Variants in UGT1A9 observed in about 807,000 individuals in gnomAD.
UGT1A9 encodes the protein UDP-glucuronosyltransferase 1A9.
Under a neutral mutation model 45.0 loss-of-function variants are expected in UGT1A9, and 35 were observed. The ratio of observed to expected loss-of-function variants is 0.78; its 90% CI spans 0.59 to 1.03. UGT1A9 has a LOEUF of 1.03. UGT1A9 is among the 50% of genes least tolerant of loss of function. UGT1A9 has a pLI of 0.00. For synonymous variants in UGT1A9, 278 were observed against 250.6 expected (o/e 1.11, Z -1.03); for missense variants, 687 against 666.6 (o/e 1.03, Z -0.34).
At chr2:233,707,880 G>A (rs2075992428) in intron 1 of UGT1A9, among the ~76,000 whole-genome samples, 1 of 152,146 alleles carries the variant, frequency 6.6e-6, no homozygotes, top group South Asian at 2.1e-4. Context: ...TGATTGCTAA[G>A]GCATTAGTTA....
At chr2:233,713,685 G>A (rs1039930586) in intron 1 of UGT1A9, 1 of 1,613,934 alleles carries the variant, frequency 6.2e-7, no homozygotes, top group South Asian at 1.1e-5. Flanking sequence ...TGCTCCTTAT[G>A]CAAGCCTTGC....
chr2:233,761,438 A>G (rs1335864417), intron 1 of UGT1A9, among the ~76,000 whole-genome samples: 1 of 152,232 alleles, frequency 6.6e-6, no homozygotes, highest in East Asian at 1.9e-4. Flanking sequence ...CCATAGGCAC[A>G]GAATGCTGGG....
At chr2:233,747,680 C>T (rs919271713) in intron 1 of UGT1A9, 69 of 1,607,988 alleles carry the variant, frequency 4.3e-5, no homozygotes, top group Non-Finnish European at 5.7e-5. Context: ...CAATTTACCT[C>T]TGTGGGGCAG....
intron 1 of UGT1A9, among the ~76,000 whole-genome samples, chr2:233,764,100 A>T (rs549144830): frequency 7.2e-5 from 11 of 152,262 alleles, no homozygotes; most frequent in Non-Finnish European, 1.6e-4. Context: ...AACTAAAAAT[A>T]CAAAATTCTT....
intron 1 of UGT1A9, among the ~76,000 whole-genome samples, chr2:233,683,415 TG>T (rs1393615511): frequency 2.6e-5 from 4 of 152,164 alleles, no homozygotes; most frequent in Non-Finnish European, 5.9e-5. Context: ...TTTCCACTTT[TG>T]GGGTTTATGA....
intron 1 of UGT1A9, chr2:233,742,900 A>G (rs1289893685): frequency 6.0e-6 from 1 of 165,412 alleles, no homozygotes; most frequent in Non-Finnish European, 1.3e-5. Flanking sequence ...CAACGGAAAA[A>G]GGTAATGCTC....
intron 1 of UGT1A9, among the ~76,000 whole-genome samples, chr2:233,740,331 G>GA (rs1691368430): frequency 6.6e-6 from 1 of 151,940 alleles, no homozygotes; most frequent in African/African-American, 2.4e-5. Context: ...CATTTATTGA[G>GA]AAAGTTGATG....
At chr2:233,682,175 T>G (rs145733073) in intron 1 of UGT1A9, 117 of 1,614,190 alleles carry the variant, frequency 7.2e-5, no homozygotes, top group South Asian at 8.8e-5. Flanking sequence ...TTACTCAACC[T>G]CATACACTCT....
Position 233,672,338 on chromosome 2 carries a change from A to T in UGT1A9, c.404A>T (p.Glu135Val), listed in dbSNP as rs370181544. The stretch of plus-strand genomic sequence containing the variant: ...TTGTTTAAAGACAAAAAATTAGTAG[A>T]ATACTTAAAGGAGAGTTCTTTTGAT... ...RSLFKDKKLV[E>V]YLKESSFDAV... Residue 135 changes from glutamate to valine, a missense_variant, in exon 1 of 5, where the codon GAA becomes GTA. Transcript: ENST00000354728. 1 of 1,614,142 alleles carries T rather than the reference A, an allele frequency of 6.2e-7. No individual in the cohort carries two copies. Among genetic ancestry groups the T allele is most frequent in the Non-Finnish European group, 8.5e-7 (1 of 1,180,004 alleles).
intron 1 of UGT1A9, chr2:233,690,774 CAT>C (rs1286263819): frequency 5.4e-5 from 57 of 1,062,312 alleles, no homozygotes; most frequent in East Asian, 1.3e-4. Context: ...CACACACACA[CAT>C]ACACACACAC....
intron 1 of UGT1A9, among the ~76,000 whole-genome samples, chr2:233,677,697 T>C (rs906644771): frequency 2.6e-5 from 4 of 151,748 alleles, no homozygotes; most frequent in Non-Finnish European, 4.4e-5. Context: ...GTGAGGCTGC[T>C]GAGAAAAGGG....
chr2:233,738,524 A>G (rs553988769), intron 1 of UGT1A9, among the ~76,000 whole-genome samples: 1 of 152,322 alleles, frequency 6.6e-6, no homozygotes, highest in South Asian at 2.1e-4. Context: ...TGTTGTGGAC[A>G]ATGAAGTCCA....
At chr2:233,675,756 T>A (rs1309423231) in intron 1 of UGT1A9, among the ~76,000 whole-genome samples, 1 of 152,244 alleles carries the variant, frequency 6.6e-6, no homozygotes, top group Non-Finnish European at 1.5e-5. Flanking sequence ...CTTTATTCTA[T>A]CTTTTTAAAG....
At chr2:233,755,032 C>G (rs753512191) in intron 1 of UGT1A9, 1 of 1,314,500 alleles carries the variant, frequency 7.6e-7, no homozygotes, top group South Asian at 1.1e-5. Flanking sequence ...AAGGGCCTGC[C>G]GCCTGCGCAG....
chr2:233,767,807 T>C, intron 2 of UGT1A9, 42 bp from the exon 3 acceptor site: 1 of 1,614,158 alleles, frequency 6.2e-7, no homozygotes, highest in Non-Finnish European at 8.5e-7. Flanking sequence ...TCTAATCATA[T>C]TATGTTCTTT....
intron 1 of UGT1A9, among the ~76,000 whole-genome samples, chr2:233,765,217 G>C (rs1406021636): frequency 6.6e-6 from 1 of 152,092 alleles, no homozygotes; most frequent in Non-Finnish European, 1.5e-5. Flanking sequence ...AGTATTCTTT[G>C]CAAACATAAA....
intron 1 of UGT1A9, among the ~76,000 whole-genome samples, chr2:233,737,276 AC>A (rs2078858274): frequency 1.3e-5 from 2 of 152,320 alleles, no homozygotes; most frequent in South Asian, 2.1e-4. Flanking sequence ...GACACCCCTC[AC>A]CCAGCCAGGC....
intron 1 of UGT1A9, among the ~76,000 whole-genome samples, chr2:233,676,224 C>A (rs1366951476): frequency 6.6e-6 from 1 of 152,180 alleles, no homozygotes; most frequent in Non-Finnish European, 1.5e-5. Flanking sequence ...CCGATGGATT[C>A]ATCAGAAGCA....
rs190427553 is a variant in UGT1A9 at position 233,772,475 on chromosome 2, C to A, written c.1509C>A (p.Thr503=). 148 of 1,614,134 alleles carry A rather than the reference C, an allele frequency of 9.2e-5. No homozygotes were observed. Among genetic ancestry groups the A allele is most frequent in the Non-Finnish European group, 1.2e-4 (140 of 1,180,034 alleles). ...LAVVLTVAFI[T]FKCCAYGYRK... is the part of the protein sequence containing the mutation. ...TCGTGCTGACAGTGGCCTTCATCAC[C>A]TTTAAATGTTGTGCTTATGGCTACC... The change falls in exon 5 of 5, where the codon ACC becomes ACA. Residue 503 remains threonine, a synonymous_variant. Coordinates refer to ENST00000354728, the MANE Select transcript of UGT1A9 (RefSeq NM_021027.3).
Sources: allele counts gnomAD v4.1 joint callset (sites outside exome capture counted in the v4.1 genomes callset), GRCh38; gene constraint gnomAD v4.1.1; transcripts MANE v1.5; gene names NCBI Gene and HGNC (gene_info 2026-07-23, HGNC 2026-07-21).